HIVEP2: variants seen among roughly 807,000 people sequenced by gnomAD.
The protein encoded by HIVEP2 is HIVEP zinc finger 2.
HIVEP2 carries 14 observed loss-of-function variants against 180.7 expected under a neutral mutation model. That is an observed-to-expected ratio of 0.08 (90% CI 0.05 to 0.12). The LOEUF (loss-of-function observed/expected upper bound fraction) is 0.12. Among genes scored for constraint, HIVEP2 ranks in the 10% least tolerant of loss-of-function variants. HIVEP2 has a pLI of 1.00. For synonymous variants in HIVEP2, 1,184 were observed against 1,136.4 expected, an observed-to-expected ratio of 1.04 and a Z score of -0.84; for missense variants, 2,579 against 3,008.5, an observed-to-expected ratio of 0.86 and a Z score of 3.34.
chr6:142,772,279 G>A lies in HIVEP2; in HGVS notation c.2460C>T (p.Ala820=), dbSNP rs531184121. 51 of 1,614,178 alleles carry A rather than the reference G, an allele frequency of 3.2e-5. No individual in the cohort carries two copies. The South Asian group carries it at 4.0e-4, about 13-fold the overall frequency. ...RPNSFERSES[A]ELVACTQDKA... is the part of the protein sequence containing the mutation. ...TATCCTGTGTGCAAGCCACAAGTTC[G>A]GCTGACTCAGACCTTTCAAATGAAT... The change falls in exon 5 of 10, where the codon GCC becomes GCT. Residue 820 remains alanine (A), a synonymous_variant. Transcript: ENST00000367603. The surrounding 1 kb of genome is among the most constrained non-coding windows in gnomAD (Gnocchi z 4.9).
At chr6:142,867,257 A>G (rs910196049) in intron 1 of HIVEP2, among the ~76,000 whole-genome samples, 1 of 152,098 alleles carries the variant, frequency 6.6e-6, no homozygotes, top group Non-Finnish European at 1.5e-5. Context: ...TTGTGTTAAT[A>G]ACTTTACAGG....
chr6:142,765,057 G>A lies in HIVEP2; in HGVS notation c.5343-83C>T, dbSNP rs142233940. On this transcript the variant is annotated intron_variant, in intron 6 of 9. Transcript: ENST00000367603. ...TAAAGCAAAAGCTAATTATTTGCAC[G>A]GCAAAGTTTTATGAGGGTCTTTTGC... 6.5e-5 allele frequency: 86 copies of A among 1,314,314 alleles called. No individual in the cohort carries two copies. In the African/African-American group the frequency reaches 1.2e-3, roughly 19 times the overall value. 81.4% of individuals were successfully genotyped at this position (1,314,314 alleles called of 1,614,324 possible). A position where few individuals can be genotyped will look rare whatever the true frequency, so the allele number is the denominator to read the frequency against.
At chr6:142,820,754 T>C (rs759490659) in intron 2 of HIVEP2, among the ~76,000 whole-genome samples, 3 of 152,134 alleles carry the variant, frequency 2.0e-5, no homozygotes, top group Non-Finnish European at 2.9e-5. Flanking sequence ...TGTGCATGCC[T>C]GGCAAAAACA....
intron 2 of HIVEP2, among the ~76,000 whole-genome samples, chr6:142,812,518 C>A (rs1243552504): frequency 2.0e-5 from 3 of 152,100 alleles, no homozygotes; most frequent in Non-Finnish European, 4.4e-5. Flanking sequence ...TGCCCCATAA[C>A]AAACCTCCGT....
At chr6:142,854,829 C>T (rs1334501834) in intron 1 of HIVEP2, among the ~76,000 whole-genome samples, 1 of 152,134 alleles carries the variant, frequency 6.6e-6, no homozygotes, top group Non-Finnish European at 1.5e-5. Flanking sequence ...TGCTCGCAGC[C>T]ACCCAGTATT....
chr6:142,806,205 A>G (rs1043692680), intron 2 of HIVEP2, among the ~76,000 whole-genome samples: 1 of 152,222 alleles, frequency 6.6e-6, no homozygotes, highest in Admixed American at 6.5e-5. Flanking sequence ...AAAATGGCTT[A>G]TGTTCTCAAG....
rs1231849347 is a variant in HIVEP2 at position 142,774,346 on chromosome 6, T to C, written c.393A>G (p.Pro131=). The change falls in exon 5 of 10, where the codon CCA becomes CCG. Residue 131 remains proline, a synonymous_variant. Transcript: ENST00000367603. This position sits in a 1 kb window ranked among gnomAD's most constrained non-coding sequence, Gnocchi z 5.1. ...GPPWLFPGPL[P]SVASEDLFPF... The stretch of plus-strand genomic sequence containing the variant: ...GAAATAAGTCCTCAGAGGCAACGGA[T>C]GGCAAAGGGCCAGGGAAAAGCCACG... 1.9e-6 allele frequency: 3 copies of C among 1,614,098 alleles called. No homozygotes were observed. In the African/African-American group the frequency reaches 4.0e-5, roughly 22 times the overall value.
intron 1 of HIVEP2, among the ~76,000 whole-genome samples, chr6:142,848,217 A>G (rs1775563971): frequency 6.6e-6 from 1 of 152,228 alleles, no homozygotes; most frequent in Non-Finnish European, 1.5e-5. Flanking sequence ...ATTTAGAGAT[A>G]ACTTAAAGTG....
intron 2 of HIVEP2, among the ~76,000 whole-genome samples, chr6:142,803,433 T>C (rs1776463795): frequency 6.6e-6 from 1 of 151,994 alleles, no homozygotes; most frequent in African/African-American, 2.4e-5. Flanking sequence ...AGAACAGGGT[T>C]AAAAAAAGAT....
intron 1 of HIVEP2, among the ~76,000 whole-genome samples, chr6:142,887,871 T>C (rs531484345): frequency 1.2e-4 from 18 of 151,442 alleles, no homozygotes; most frequent in African/African-American, 3.6e-4. Flanking sequence ...AACAATGTAA[T>C]CACCTGGTCA....
At chr6:142,758,393 G>A (rs1250390426) in intron 9 of HIVEP2, among the ~76,000 whole-genome samples, 1 of 152,154 alleles carries the variant, frequency 6.6e-6, no homozygotes, top group African/African-American at 2.4e-5. Context: ...CAGGATTCAG[G>A]GTGGTGGAAG....
At chr6:142,822,488 A>AT (rs1205841823) in intron 2 of HIVEP2, among the ~76,000 whole-genome samples, 1 of 152,186 alleles carries the variant, frequency 6.6e-6, no homozygotes, top group African/African-American at 2.4e-5. Flanking sequence ...ACTGTCTGTG[A>AT]TTTCTATTGG....
At chr6:142,858,723 C>T (rs923708251) in intron 1 of HIVEP2, among the ~76,000 whole-genome samples, 3 of 152,090 alleles carry the variant, frequency 2.0e-5, no homozygotes, top group African/African-American at 7.2e-5. Context: ...TCCCAAGTAG[C>T]TGGGATTACA....
chr6:142,847,317 C>G (rs901344975), intron 1 of HIVEP2, among the ~76,000 whole-genome samples: 2 of 152,058 alleles, frequency 1.3e-5, no homozygotes, highest in Non-Finnish European at 2.9e-5. Context: ...AGCCATATTA[C>G]AACCCTTTAA....
intron 1 of HIVEP2, among the ~76,000 whole-genome samples, chr6:142,849,190 G>T (rs1775586376): frequency 6.6e-6 from 1 of 152,168 alleles, no homozygotes; most frequent in African/African-American, 2.4e-5. Flanking sequence ...GAGGAAGTAT[G>T]AAAAGTGCTG....
chr6:142,939,381 G>T (rs868006363), intron 1 of HIVEP2, among the ~76,000 whole-genome samples: 2 of 150,620 alleles, frequency 1.3e-5, no homozygotes, highest in Non-Finnish European at 3.0e-5. Flanking sequence ...ACACTTTATA[G>T]CATCACCTCT....
At chr6:142,879,736 C>A (rs1271288783) in intron 1 of HIVEP2, among the ~76,000 whole-genome samples, 1 of 152,144 alleles carries the variant, frequency 6.6e-6, no homozygotes, top group South Asian at 2.1e-4. Flanking sequence ...TTAACACCCT[C>A]CCCAGGCTTC....
intron 2 of HIVEP2, among the ~76,000 whole-genome samples, chr6:142,803,691 T>C (rs766769983): frequency 1.3e-5 from 2 of 152,026 alleles, no homozygotes; most frequent in South Asian, 2.1e-4. Flanking sequence ...CTTCACTGCA[T>C]AGGCGTCAGC....
intron 2 of HIVEP2, among the ~76,000 whole-genome samples, chr6:142,822,807 T>C (rs887727157): frequency 5.9e-5 from 9 of 152,194 alleles, no homozygotes; most frequent in Non-Finnish European, 1.3e-4. Context: ...AGGATAGAAG[T>C]GTCTTTCCTC....
Sources: allele counts gnomAD v4.1 joint callset (sites outside exome capture counted in the v4.1 genomes callset), GRCh38; gene constraint gnomAD v4.1.1; non-coding constraint Gnocchi (gnomAD v3.1); transcripts MANE v1.5; gene names NCBI Gene and HGNC (gene_info 2026-07-23, HGNC 2026-07-21).